The following NCAM1 variants were observed in gnomAD, a reference collection of about 807,000 sequenced individuals.
The protein encoded by NCAM1 is neural cell adhesion molecule 1.
Under a neutral mutation model 109.8 loss-of-function variants are expected in NCAM1, and 14 were observed. The observed-to-expected ratio is 0.13, with a 90% CI of 0.08 to 0.20. The LOEUF is 0.20. NCAM1 is among the 10% of genes least tolerant of loss of function. The pLI, the probability that NCAM1 is intolerant of heterozygous loss-of-function variation, is 1.00. For missense variants in NCAM1, 774 were observed against 1,109.9 expected (o/e 0.70, Z 4.30); for synonymous variants, 418 against 442.9 (o/e 0.94, Z 0.70).
chr11:113,254,481 C>T (rs915632349), intron 15 of NCAM1, among the ~76,000 whole-genome samples: 3 of 152,192 alleles, frequency 2.0e-5, no homozygotes, highest in Non-Finnish European at 2.9e-5. Context: ...GTCTAAAAAG[C>T]GCCCAGGTGA....
At chr11:113,041,197 G>A (rs1186884826) in intron 1 of NCAM1, 1 of 152,124 alleles carries the variant, frequency 6.6e-6, no homozygotes, top group African/African-American at 2.4e-5. Context: ...GATATGTGCA[G>A]GATTTTACTG....
intron 8 of NCAM1, among the ~76,000 whole-genome samples, chr11:113,219,312 G>A (rs185003028): frequency 3.6e-4 from 55 of 152,284 alleles, no homozygotes; most frequent in South Asian, 2.1e-3. Context: ...CCCAGGGCCC[G>A]CTTTTAAACA....
chr11:113,119,542 C>T (rs111347014), intron 1 of NCAM1, among the ~76,000 whole-genome samples: 4 of 152,148 alleles, frequency 2.6e-5, no homozygotes, highest in African/African-American at 9.6e-5. Flanking sequence ...TAGGGGCCAT[C>T]GTGATGGAAT....
At chr11:113,247,870 C>T (rs2137467886) in intron 15 of NCAM1, among the ~76,000 whole-genome samples, 1 of 152,234 alleles carries the variant, frequency 6.6e-6, no homozygotes, top group Admixed American at 6.5e-5. Flanking sequence ...CAAAGGTTGA[C>T]CATCAGCAAG....
chr11:113,084,407 TGTAA>T (rs1938986507), intron 1 of NCAM1, among the ~76,000 whole-genome samples: 1 of 152,336 alleles, frequency 6.6e-6, no homozygotes, highest in East Asian at 1.9e-4. Flanking sequence ...ACTTGTTCAA[TGTAA>T]GTAAGAGTGA....
intron 13 of NCAM1, among the ~76,000 whole-genome samples, chr11:113,234,776 T>C (rs1555117925): frequency 6.6e-6 from 1 of 152,182 alleles, no homozygotes; most frequent in Admixed American, 6.5e-5. Context: ...TCTGTATCTG[T>C]TTGGTCTGCC....
At chr11:113,138,526 A>G (rs1941695253) in intron 1 of NCAM1, among the ~76,000 whole-genome samples, 1 of 152,182 alleles carries the variant, frequency 6.6e-6, no homozygotes, top group Non-Finnish European at 1.5e-5. Context: ...GGTATTTTTT[A>G]TATCATGTGT....
At chr11:113,262,313 A>C (rs1946030052) in intron 17 of NCAM1, among the ~76,000 whole-genome samples, 1 of 152,208 alleles carries the variant, frequency 6.6e-6, no homozygotes, top group African/African-American at 2.4e-5. Context: ...GCTGACTCAT[A>C]GTGCAGCGAT....
In NCAM1 at chr11:112,961,562, G is replaced by C; in HGVS notation, c.-51G>C. The stretch of plus-strand genomic sequence containing the variant: ...CCGTCCACACTCGCTGCAGGGGGGG[G>C]GGCACAGAATTTACCGCGGCAAGAA... On this transcript the variant is annotated 5_prime_UTR_variant, in exon 1 of 20. Coordinates refer to ENST00000316851, the MANE Select transcript of NCAM1 (RefSeq NM_181351.5). 1 of 1,165,116 alleles carries C rather than the reference G, an allele frequency of 8.6e-7. No individual in the cohort carries two copies. The highest frequency in any genetic ancestry group is 1.3e-6 in the Non-Finnish European group (1 of 771,614). 72.2% of individuals were successfully genotyped at this position (1,165,116 alleles called of 1,614,324 possible).
chr11:113,249,603 G>A (rs1423595650), intron 15 of NCAM1, among the ~76,000 whole-genome samples: 4 of 152,174 alleles, frequency 2.6e-5, no homozygotes, highest in Admixed American at 2.6e-4. Context: ...GGCCTTGGAG[G>A]CAGGAGCCGA....
In NCAM1 at chr11:113,260,215, G is replaced by A. The variant is rs1555123060; in HGVS notation, c.2023G>A (p.Asp675Asn). Reference sequence around the variant, plus strand: ...TGACCACGTCATGCTGAAGTCCCTGGACTGGAATGCTGAGTATGAGGTCTA... The same window carrying A: ...TGACCACGTCATGCTGAAGTCCCTGAACTGGAATGCTGAGTATGAGGTCTA... The part of the protein sequence containing the change: ...GSDHVMLKSL[D>N]WNAEYEVYVV... The change falls in exon 17 of 20, where the codon GAC becomes AAC. Residue 675 changes from aspartate (D) to asparagine (N), a missense_variant. Around this residue, in one of 4 missense-constraint regions of NCAM1, gnomAD observed 523 missense variants for 784.2 expected, o/e 0.67. Transcript: ENST00000316851. 6.2e-7 allele frequency: 1 copy of A among 1,613,982 alleles called. No individual in the cohort carries two copies. The highest frequency in any genetic ancestry group is 1.7e-5 in the Admixed American group (1 of 60,030).
chr11:113,205,394 C>T, intron 3 of NCAM1, 129 bp from the exon 4 acceptor site: 1 of 1,199,376 alleles, frequency 8.3e-7, no homozygotes, highest in Non-Finnish European at 1.1e-6. Flanking sequence ...TGAGGGTGCC[C>T]CTCTTATACA....
intron 1 of NCAM1, among the ~76,000 whole-genome samples, chr11:112,967,229 T>C (rs1304349544): frequency 6.6e-6 from 1 of 152,240 alleles, no homozygotes; most frequent in Non-Finnish European, 1.5e-5. Flanking sequence ...CCTCCTTTGG[T>C]ATCTGATTAC....
rs369267351 is a variant in NCAM1, at chr11:113,217,854, A to G, written c.1059+3343A>G. 2.0e-5 allele frequency among the ~76,000 whole-genome samples: 3 copies of G among 152,212 alleles called. No individual in the cohort carries two copies. In the East Asian group the frequency reaches 5.8e-4, roughly 29 times the overall value. Reference sequence around the variant, plus strand: ...AGGCTTCCTTCACTGGGACTGTACTATGCATTGCAAGAAACTTATCATCTC... The same window carrying G: ...AGGCTTCCTTCACTGGGACTGTACTGTGCATTGCAAGAAACTTATCATCTC... On this transcript the variant is annotated intron_variant, in intron 8 of 19. Transcript: ENST00000316851.
intron 1 of NCAM1, among the ~76,000 whole-genome samples, chr11:113,069,754 A>G (rs1215652671): frequency 3.9e-5 from 6 of 152,180 alleles, no homozygotes; most frequent in African/African-American, 1.4e-4. Flanking sequence ...GATTGACAGA[A>G]TATGGAGACA....
intron 1 of NCAM1, among the ~76,000 whole-genome samples, chr11:113,107,722 G>T (rs1366839419): frequency 1.5e-4 from 23 of 152,080 alleles, no homozygotes; most frequent in African/African-American, 5.6e-4. Context: ...CTCCCACTGG[G>T]TCCCTCCCAC....
rs1054925953 is a variant in NCAM1, at chr11:113,258,269, C to A, written c.1954-1877C>A. ...CAATGGTGAAACCATCTGAAGACTT[C>A]TCAGGCCTTCTTCCACAAACTGTTT... On this transcript the variant is annotated intron_variant, in intron 16 of 19. Coordinates refer to ENST00000316851, the MANE Select transcript of NCAM1 (RefSeq NM_181351.5). 1.1e-4 allele frequency among the ~76,000 whole-genome samples: 16 copies of A among 152,242 alleles called. 1 individual carries two copies. Among genetic ancestry groups the A allele is most frequent in the Admixed American group, 5.2e-4 (8 of 15,282 alleles).
rs1950640985 is a variant in NCAM1, at chr11:112,963,745, G to A, written c.52+2081G>A. On this transcript the variant is annotated intron_variant, in intron 1 of 19. Transcript: ENST00000316851. This position sits in a 1 kb window ranked among gnomAD's most constrained non-coding sequence, Gnocchi z 4.6. ...TATTTGGTGGGCCTTTTGGGGGATC[G>A]CCTGGCGGTCCTTTCCATCATCGTG... Among the ~76,000 whole-genome samples the A allele has an allele frequency of 6.6e-6, 1 of 152,218 alleles. No individual in the cohort carries two copies. The highest frequency in any genetic ancestry group is 1.5e-5 in the Non-Finnish European group (1 of 68,032).
chr11:113,000,205 G>A (rs1555072155), intron 1 of NCAM1, among the ~76,000 whole-genome samples: 2 of 152,144 alleles, frequency 1.3e-5, no homozygotes, highest in Admixed American at 1.3e-4. Flanking sequence ...CTTATAACCA[G>A]CCATTAACTA....
Sources: gnomAD v4.1 joint callset for allele counts (sites outside exome capture counted in the v4.1 genomes callset) on GRCh38, gnomAD v4.1.1 for gene constraint, gnomAD v4.1.1 regional missense constraint, Gnocchi (gnomAD v3.1) non-coding constraint, MANE v1.5 for transcripts, NCBI Gene and HGNC (gene_info 2026-07-23, HGNC 2026-07-21) for gene names.